The following SNX6 variants were observed in gnomAD, a reference collection of about 807,000 sequenced individuals.
The protein encoded by SNX6 is sorting nexin-6.
A neutral mutation model predicts 63.0 loss-of-function variants in SNX6; 34 were observed. The observed-to-expected ratio is 0.54, with a 90% CI of 0.41 to 0.72. SNX6 has a LOEUF of 0.72. SNX6 is among the 30% of genes least tolerant of loss of function. The pLI, the probability that SNX6 is intolerant of heterozygous loss-of-function variation, is 0.00. For missense variants in SNX6, 398 were observed against 471.4 expected (o/e 0.84, Z 1.44); for synonymous variants, 170 against 164.2 (o/e 1.04, Z -0.27).
In SNX6 at chr14:34,630,104, C is replaced by A. The variant is rs991809147; in HGVS notation, c.6+7G>T. ...TCCCGGGACTCGGCGCCGCGGAGAACACCCACCATCATGGCTGCTCCGAGG... is the reference window on the plus strand; with the variant it reads ...TCCCGGGACTCGGCGCCGCGGAGAAAACCCACCATCATGGCTGCTCCGAGG... On this transcript the variant is annotated splice_region_variant and intron_variant, in intron 1 of 13. Transcript: ENST00000362031. 4.2e-6 allele frequency: 6 copies of A among 1,441,526 alleles called. No homozygotes were observed. The highest frequency in any genetic ancestry group is 5.4e-6 in the Non-Finnish European group (6 of 1,108,426). The allele number at this position is 1,441,526 out of a possible 1,614,324, so 89.3% of individuals were successfully genotyped here. A position where few individuals can be genotyped will look rare whatever the true frequency, so the allele number is the denominator to read the frequency against.
intron 7 of SNX6, among the ~76,000 whole-genome samples, chr14:34,597,166 C>T (rs557859519): frequency 1.3e-5 from 2 of 152,338 alleles, no homozygotes; most frequent in African/African-American, 4.8e-5. Context: ...CTCCACCCAC[C>T]TGCCCCATGG....
chr14:34,600,204 A>T (rs1227420983), intron 6 of SNX6, among the ~76,000 whole-genome samples: 1 of 152,158 alleles, frequency 6.6e-6, no homozygotes, highest in Non-Finnish European at 1.5e-5. Flanking sequence ...AGCTCACTGC[A>T]GCCTCCGCCT....
At position 34,578,937 on chromosome 14, in the gene SNX6, CAAAAAAAAAAAAA is replaced by C. The variant is rs71121210; in HGVS notation, c.834+2611_834+2623del. 7.5e-4 allele frequency among the ~76,000 whole-genome samples: 17 copies of C among 22,542 alleles called. No individual in the cohort carries two copies. The South Asian group carries it at 0.014, about 18-fold the overall frequency. The allele number at this position is 22,542 out of a possible 152,430, so 14.8% of individuals were successfully genotyped here. A position where few individuals can be genotyped will look rare whatever the true frequency, so the allele number is the denominator to read the frequency against. On this transcript the variant is annotated intron_variant, in intron 10 of 13. Transcript: ENST00000362031. ...CTGGCGACAGAGCGAGACTTCATCT[CAAAAAAAAAAAAA>C]AAAAAAAAAAAAAAAAGGTTAAACT...
intron 11 of SNX6, among the ~76,000 whole-genome samples, chr14:34,570,062 GT>G (rs535291142): frequency 8.7e-5 from 13 of 149,026 alleles, no homozygotes; most frequent in South Asian, 6.4e-4. Context: ...TTTTTTTGGG[GT>G]TTTTTTTTTT....
intron 6 of SNX6, among the ~76,000 whole-genome samples, chr14:34,600,728 G>A (rs1448907982): frequency 1.3e-5 from 2 of 152,060 alleles, no homozygotes; most frequent in African/African-American, 2.4e-5. Context: ...CACTATGAAC[G>A]AAGAAATCTT....
intron 2 of SNX6, among the ~76,000 whole-genome samples, chr14:34,612,237 G>T (rs1244510043): frequency 6.6e-6 from 1 of 152,004 alleles, no homozygotes; most frequent in African/African-American, 2.4e-5. Context: ...CACTGAGCCA[G>T]GCCAGGCCAC....
chr14:34,595,125 A>G (rs1882548542), intron 7 of SNX6, among the ~76,000 whole-genome samples: 1 of 151,990 alleles, frequency 6.6e-6, no homozygotes, highest in Non-Finnish European at 1.5e-5. Flanking sequence ...ATAAATATTA[A>G]AATAAAATTC....
intron 13 of SNX6, among the ~76,000 whole-genome samples, chr14:34,564,763 G>A (rs1007488538): frequency 4.0e-5 from 6 of 151,244 alleles, no homozygotes; most frequent in Non-Finnish European, 7.4e-5. Context: ...GGAGGCAGAG[G>A]TTGCAGTGAG....
chr14:34,580,039 G>C (rs1473382377), intron 10 of SNX6, among the ~76,000 whole-genome samples: 1 of 151,946 alleles, frequency 6.6e-6, no homozygotes, highest in East Asian at 1.9e-4. Flanking sequence ...ACAAAAATTA[G>C]CCTGGCGTGG....
intron 6 of SNX6, among the ~76,000 whole-genome samples, chr14:34,601,013 C>CAAA (rs1264761564): frequency 1.7e-5 from 2 of 121,150 alleles, no homozygotes; most frequent in Non-Finnish European, 3.6e-5. Flanking sequence ...GACTCTGCCT[C>CAAA]AAAAAAAAAA....
chr14:34,567,554 TG>T (rs1881242108), intron 13 of SNX6, 131 bp downstream of exon 13: 8 of 736,828 alleles, frequency 1.1e-5, no homozygotes, highest in Non-Finnish European at 1.8e-5. Context: ...TCTTGGAAAA[TG>T]TAATTCCAGT....
chr14:34,625,628 A>G (rs373122555), intron 2 of SNX6, among the ~76,000 whole-genome samples: 4 of 152,088 alleles, frequency 2.6e-5, no homozygotes, highest in South Asian at 4.1e-4. Flanking sequence ...CCAGCTACTC[A>G]GGAGGCTGAG....
intron 6 of SNX6, among the ~76,000 whole-genome samples, chr14:34,602,464 G>A (rs4312221): frequency 0.25 from 37,644 of 149,828 alleles, 6,072 homozygotes; most frequent in Non-Finnish European, 0.37. Context: ...GGCGGCATGC[G>A]CCTGTAGTCC....
rs555405609 is a variant in SNX6 at position 34,583,303 on chromosome 14, C to T, written c.795-1703G>A. Among the ~76,000 whole-genome samples the T allele has an allele frequency of 7.4e-4, 112 of 152,090 alleles. 1 individual carries two copies. The highest frequency in any genetic ancestry group is 2.4e-3 in the African/African-American group (101 of 41,504). On this transcript the variant is annotated intron_variant, in intron 9 of 13. Transcript: ENST00000362031. ...CAGCCTGGGCAACAGAGCGAGACTCCGTCTCAAGAACAACTACAAAAAAAA... is the reference window on the plus strand; with the variant it reads ...CAGCCTGGGCAACAGAGCGAGACTCTGTCTCAAGAACAACTACAAAAAAAA...
Position 34,586,097 on chromosome 14 carries a change from T to C in SNX6, c.794+133A>G, listed in dbSNP as rs547220622. The C allele has an allele frequency of 3.1e-4, 128 of 415,164 alleles. 3 individuals carry two copies. Among genetic ancestry groups the C allele is most frequent in the South Asian group, 2.6e-3 (95 of 36,056 alleles). 25.7% of individuals were successfully genotyped at this position (415,164 alleles called of 1,614,324 possible). On this transcript the variant is annotated intron_variant, in intron 9 of 13. Coordinates refer to ENST00000362031, the MANE Select transcript of SNX6 (RefSeq NM_152233.4). ...TTTGTATTTTTAGTAGAGACGGGGT[T>C]TCACCGTGTTGGTCAGGCTGGTCTT...
chr14:34,595,262 C>G (rs1001524944), intron 7 of SNX6, among the ~76,000 whole-genome samples: 39 of 152,058 alleles, frequency 2.6e-4, no homozygotes, highest in African/African-American at 9.2e-4. Context: ...AAAAGCCTCC[C>G]GAGTAGCTGG....
chr14:34,576,240 T>TTCC (rs1881696193), intron 10 of SNX6, among the ~76,000 whole-genome samples: 1 of 151,950 alleles, frequency 6.6e-6, no homozygotes, highest in Non-Finnish European at 1.5e-5. Flanking sequence ...TCCTTCTTAA[T>TTCC]TACTTAATTT....
rs1436357878 is a variant in SNX6, at chr14:34,605,657, C to G, written c.331G>C (p.Gly111Arg). The G allele has an allele frequency of 6.2e-7, 1 of 1,611,070 alleles. No homozygotes were observed. The highest frequency in any genetic ancestry group is 1.7e-5 in the Admixed American group (1 of 59,586). The change falls in exon 5 of 14, where the codon GGT becomes CGT. Residue 111 changes from glycine (G) to arginine (R), a missense_variant. Transcript: ENST00000362031. ...TTCGTCATTGACCCTTCTCCTTCAC[C>G]AAGCTTCTGTAGTTTTTCCCTTGAA... ...DASREKLQKL[G>R]EGEGSMTKEE...
At chr14:34,617,817 A>G (rs968515665) in intron 2 of SNX6, among the ~76,000 whole-genome samples, 1 of 151,594 alleles carries the variant, frequency 6.6e-6, no homozygotes, top group Non-Finnish European at 1.5e-5. Context: ...GCTACTTGGG[A>G]GGCTGAGGCA....
Sources: gnomAD v4.1 joint callset for allele counts (sites outside exome capture counted in the v4.1 genomes callset) on GRCh38, gnomAD v4.1.1 for gene constraint, MANE v1.5 for transcripts, NCBI Gene and HGNC (gene_info 2026-07-23, HGNC 2026-07-21) for gene names.